PMPCA: variants seen among roughly 807,000 people sequenced by gnomAD.
PMPCA encodes mitochondrial-processing peptidase subunit alpha.
Under a neutral mutation model 59.3 loss-of-function variants are expected in PMPCA, and 47 were observed. The observed-to-expected ratio is 0.79, with a 90% CI of 0.63 to 1.01. PMPCA has a LOEUF of 1.01. PMPCA is among the 50% of genes least tolerant of loss of function. The pLI is 0.00. For missense variants in PMPCA, 726 were observed against 704.5 expected (o/e 1.03, Z -0.34); for synonymous variants, 338 against 290.3 (o/e 1.16, Z -1.67).
chr9:136,418,973 G>A (rs546016320), intron 10 of PMPCA, 55 bp downstream of exon 10: 7 of 1,599,926 alleles, frequency 4.4e-6, no homozygotes, highest in South Asian at 2.2e-5. Context: ...AGACCTGGGC[G>A]TCCCTGCCTA....
chr9:136,414,681 C>G (rs1315008026), intron 5 of PMPCA, 34 bp downstream of exon 5: 3 of 1,386,414 alleles, frequency 2.2e-6, no homozygotes, highest in Non-Finnish European at 2.1e-6. Flanking sequence ...TTGAGGTGGG[C>G]TTGGACATAG....
chr9:136,416,734 CAATT>C (rs1179435215), intron 6 of PMPCA: 8 of 593,048 alleles, frequency 1.3e-5, no homozygotes, highest in Admixed American at 9.2e-5. Context: ...CTACTAAACA[CAATT>C]AATCTTAGGC....
At chr9:136,416,710 T>C (rs970171086) in intron 6 of PMPCA, 4 of 590,472 alleles carry the variant, frequency 6.8e-6, no homozygotes, top group Non-Finnish European at 1.2e-5. Flanking sequence ...GTTTTTATAG[T>C]AACTAGGTCT....
Position 136,417,040 on chromosome 9 carries a change from C to T in PMPCA, c.723C>T (p.Tyr241=), listed in dbSNP as rs1231650100. The T allele has an allele frequency of 1.2e-6, 2 of 1,613,948 alleles. No homozygotes were observed. The highest frequency in any genetic ancestry group is 1.1e-5 in the South Asian group (1 of 91,076). ...AKINREVLHS[Y]LRNYYTPDRM... ...TCAACCGAGAGGTGCTGCATTCCTA[C>T]CTGAGGAACTACTACACTCCCGACC... Residue 241 remains tyrosine, a synonymous_variant, in exon 7 of 13, where the codon TAC becomes TAT. Coordinates refer to ENST00000371717, the MANE Select transcript of PMPCA (RefSeq NM_015160.3).
chr9:136,418,758 T>C, intron 9 of PMPCA, 70 bp from the exon 10 acceptor site: 2 of 1,510,670 alleles, frequency 1.3e-6, no homozygotes, highest in African/African-American at 1.4e-5. Context: ...TCCAGGTGAC[T>C]TTTCTCCAGT....
Position 136,412,351 on chromosome 9 carries a change from C to T in PMPCA, c.275-139C>T, listed in dbSNP as rs953705104. The T allele has an allele frequency of 9.8e-5, 75 of 766,694 alleles. No homozygotes were observed. In the East Asian group the frequency reaches 1.4e-3, roughly 15 times the overall value. 47.5% of individuals were successfully genotyped at this position (766,694 alleles called of 1,614,324 possible). A position where few individuals can be genotyped will look rare whatever the true frequency, so the allele number is the denominator to read the frequency against. ...TCATAAATGTTGAGCTACACATATA[C>T]CTGTGAAACCATCAGCACAATCACC... On this transcript the variant is annotated intron_variant, in intron 2 of 12. Coordinates refer to ENST00000371717, the MANE Select transcript of PMPCA (RefSeq NM_015160.3).
At chr9:136,417,471 ATT>A (rs537510833) in intron 7 of PMPCA, among the ~76,000 whole-genome samples, 22 of 132,560 alleles carry the variant, frequency 1.7e-4, no homozygotes, top group Middle Eastern at 4.0e-3. Context: ...TGCGTGTTGC[ATT>A]TTTTTTTTTT....
chr9:136,416,427 G>C, intron 6 of PMPCA, 36 bp downstream of exon 6: 1 of 1,436,964 alleles, frequency 7.0e-7, no homozygotes, highest in Non-Finnish European at 9.8e-7. Flanking sequence ...CCCGCATCTC[G>C]AACAGTGGTC....
At position 136,414,579 on chromosome 9, in the gene PMPCA, C is replaced by T. The variant is rs148940590; in HGVS notation, c.464C>T (p.Ala155Val). The change falls in exon 5 of 13, where the codon GCT becomes GTT. Residue 155 changes from alanine (A) to valine (V), a missense_variant. Coordinates refer to ENST00000371717, the MANE Select transcript of PMPCA (RefSeq NM_015160.3). ...GACACCACCATGTATGCTGTGTCTGCTGATAGCAAAGGCTTGGACACGGTG... is the reference window on the plus strand; with the variant it reads ...GACACCACCATGTATGCTGTGTCTGTTGATAGCAAAGGCTTGGACACGGTG... The part of the protein sequence containing the change: ...SRDTTMYAVS[A>V]DSKGLDTVVA... 8.0e-4 allele frequency: 1,297 copies of T among 1,612,804 alleles called. 3 individuals are homozygous for T. Among genetic ancestry groups the T allele is most frequent in the Non-Finnish European group, 9.4e-4 (1,114 of 1,178,888 alleles).
intron 12 of PMPCA, chr9:136,422,740 C>T (rs751131428): frequency 1.5e-5 from 16 of 1,086,398 alleles, no homozygotes; most frequent in Non-Finnish European, 1.7e-5. Context: ...TTCTCTCACC[C>T]CACCCTTCTG....
chr9:136,418,473 C>G lies in PMPCA; in HGVS notation c.991-82C>G, dbSNP rs547399298. On this transcript the variant is annotated intron_variant, in intron 8 of 12. Coordinates refer to ENST00000371717, the MANE Select transcript of PMPCA (RefSeq NM_015160.3). ...GACGTGGCTTGGGCGACTCAGCCAG[C>G]TCTGCCCTCCGTCCCTGGCGTCTGA... The G allele has an allele frequency of 2.5e-4, 224 of 908,424 alleles. 1 individual carries two copies. The highest frequency in any genetic ancestry group is 1.7e-3 in the African/African-American group (107 of 61,376). The allele number at this position is 908,424 out of a possible 1,614,324, so 56.3% of individuals were successfully genotyped here. A position where few individuals can be genotyped will look rare whatever the true frequency, so the allele number is the denominator to read the frequency against.
chr9:136,421,810 C>G (rs760100503), intron 11 of PMPCA, 22 bp from the exon 12 acceptor site: 5 of 1,569,426 alleles, frequency 3.2e-6, no homozygotes, highest in Admixed American at 1.7e-5. Context: ...TGTGTGCTCA[C>G]CTGACTGGAC....
Position 136,412,075 on chromosome 9 carries a change from A to C in PMPCA, c.150A>C (p.Gly50=). ...TCCCCCTCTCTTCTCCCTTACCTGGAGTACCCAAGCCTGTTTTTGCTACAG... is the reference window on the plus strand; with the variant it reads ...TCCCCCTCTCTTCTCCCTTACCTGGCGTACCCAAGCCTGTTTTTGCTACAG... ...PNIPLSSPLP[G]VPKPVFATVD... Residue 50 remains glycine (G), a synonymous_variant, in exon 2 of 13, where the codon GGA becomes GGC. Coordinates refer to ENST00000371717, the MANE Select transcript of PMPCA (RefSeq NM_015160.3). The C allele has an allele frequency of 6.2e-7, 1 of 1,613,316 alleles. No individual in the cohort carries two copies. The highest frequency in any genetic ancestry group is 8.5e-7 in the Non-Finnish European group (1 of 1,179,236).
intron 11 of PMPCA, chr9:136,419,450 G>A (rs997428228): frequency 2.3e-5 from 10 of 442,882 alleles, no homozygotes; most frequent in South Asian, 1.2e-4. Flanking sequence ...CGCTGCAGGA[G>A]TTTTTGTGTC....
At chr9:136,419,139 C>G in intron 11 of PMPCA, 33 bp downstream of exon 11, 2 of 1,585,786 alleles carry the variant, frequency 1.3e-6, no homozygotes, top group Non-Finnish European at 1.7e-6. Flanking sequence ...TCCAGGCGTA[C>G]CTGTGGTGTC....
chr9:136,422,375 C>A (rs1835482141), intron 12 of PMPCA: 2 of 1,134,462 alleles, frequency 1.8e-6, no homozygotes, highest in African/African-American at 3.2e-5. Flanking sequence ...GCAGGAGTCT[C>A]AGCCCCAGGT....
rs374138478 is a variant in PMPCA, at chr9:136,423,060, G to A, written c.1409-35G>A. The A allele has an allele frequency of 2.7e-5, 43 of 1,582,748 alleles. No homozygotes were observed. The Middle Eastern group carries it at 6.6e-4, about 24-fold the overall frequency. ...GCAGCCTCAGCGTGGGGGCCGTGGC[G>A]CGCTCGTGTGACACGCGTTTGCCCT... On this transcript the variant is annotated intron_variant, in intron 12 of 12. Coordinates refer to ENST00000371717, the MANE Select transcript of PMPCA (RefSeq NM_015160.3).
Position 136,422,515 on chromosome 9 carries a change from G to A in PMPCA, c.1408+539G>A, listed in dbSNP as rs972945111. Reference sequence around the variant, plus strand: ...GCTGCCTATTACGTTGGGGTGGCTCGGGCTTATGGTGTCACCTGTGGGCAT... The same window carrying A: ...GCTGCCTATTACGTTGGGGTGGCTCAGGCTTATGGTGTCACCTGTGGGCAT... On this transcript the variant is annotated intron_variant, in intron 12 of 12. Coordinates refer to ENST00000371717, the MANE Select transcript of PMPCA (RefSeq NM_015160.3). 1.8e-5 allele frequency: 18 copies of A among 1,023,922 alleles called. No individual in the cohort carries two copies. In the South Asian group the frequency reaches 1.8e-4, roughly 10 times the overall value. 63.4% of individuals were successfully genotyped at this position (1,023,922 alleles called of 1,614,324 possible). A position where few individuals can be genotyped will look rare whatever the true frequency, so the allele number is the denominator to read the frequency against.
chr9:136,418,211 C>G (rs543106572), intron 8 of PMPCA, 102 bp downstream of exon 8: 1 of 853,484 alleles, frequency 1.2e-6, no homozygotes, highest in African/African-American at 1.7e-5. Context: ...CCTGATGGGG[C>G]GTGGGCGGCT....
Sources: gnomAD v4.1 joint callset for allele counts (sites outside exome capture counted in the v4.1 genomes callset) on GRCh38, gnomAD v4.1.1 for gene constraint, MANE v1.5 for transcripts, NCBI Gene and HGNC (gene_info 2026-07-23, HGNC 2026-07-21) for gene names.